Variants in SLC20A2 observed in about 807,000 individuals in gnomAD.
SLC20A2 encodes the protein solute carrier family 20 member 2.
In SLC20A2, 30 loss-of-function variants were observed where a neutral mutation model predicts 61.0. The observed-to-expected ratio is 0.49, with a 90% confidence interval of 0.37 to 0.67. The LOEUF (loss-of-function observed/expected upper bound fraction) is 0.67, where lower values mean the gene tolerates loss of function less well. SLC20A2 is among the 30% of genes least tolerant of loss of function. The pLI, the probability that SLC20A2 is intolerant of heterozygous loss-of-function variation, is 0.00. For synonymous variants in SLC20A2, 351 were observed against 353.3 expected, an observed-to-expected ratio of 0.99 and a Z score of 0.07; for missense variants, 626 against 866.4, an observed-to-expected ratio of 0.72 and a Z score of 3.48.
At chr8:42,461,133 C>G (rs1806661708) in intron 4 of SLC20A2, among the ~76,000 whole-genome samples, 3 of 152,140 alleles carry the variant, frequency 2.0e-5, no homozygotes, top group African/African-American at 7.2e-5. Flanking sequence ...AAGAGCAGGG[C>G]AGAATGAGAC....
chr8:42,476,607 G>A (rs1244540243), intron 1 of SLC20A2, among the ~76,000 whole-genome samples: 1 of 152,192 alleles, frequency 6.6e-6, no homozygotes, highest in Non-Finnish European at 1.5e-5. Context: ...TCATCTTGAT[G>A]TTCCCCTTGG....
At chr8:42,481,754 G>A (rs183771778) in intron 1 of SLC20A2, among the ~76,000 whole-genome samples, 2 of 152,262 alleles carry the variant, frequency 1.3e-5, no homozygotes, top group African/African-American at 2.4e-5. Flanking sequence ...AACGGCCTTC[G>A]TGGACTTATG....
chr8:42,528,216 C>T (rs1319270896), intron 1 of SLC20A2, among the ~76,000 whole-genome samples: 1 of 152,150 alleles, frequency 6.6e-6, no homozygotes, highest in Non-Finnish European at 1.5e-5. Flanking sequence ...AATCCCAGAA[C>T]TTTGGGAGGC....
At chr8:42,454,659 T>A (rs946119696) in intron 5 of SLC20A2, among the ~76,000 whole-genome samples, 1 of 151,740 alleles carries the variant, frequency 6.6e-6, no homozygotes, top group African/African-American at 2.4e-5. Context: ...CGCTTTGTCA[T>A]CTGGTTGAGT....
rs1387589528 is a variant in SLC20A2, at chr8:42,443,921, C to T, written c.730+725G>A. Among the ~76,000 whole-genome samples the T allele has an allele frequency of 2.0e-5, 3 of 152,200 alleles. No homozygotes were observed. In the East Asian group the frequency reaches 5.8e-4, roughly 29 times the overall value. On this transcript the variant is annotated intron_variant, in intron 6 of 10. Coordinates refer to ENST00000520262, the MANE Select transcript of SLC20A2 (RefSeq NM_001257180.2). ...TGCTCTTCCGGATCATGGGCTTCTGCTCAGTATCACGGCTGTAGGATGCCT... is the reference window on the plus strand; with the variant it reads ...TGCTCTTCCGGATCATGGGCTTCTGTTCAGTATCACGGCTGTAGGATGCCT...
upstream of SLC20A2, among the ~76,000 whole-genome samples, chr8:42,504,945 T>G (rs1810570590): frequency 7.3e-6 from 1 of 137,350 alleles, no homozygotes; most frequent in Non-Finnish European, 1.5e-5. Flanking sequence ...AAAGACAAGG[T>G]CTCTATGTCC....
chr8:42,441,992 G>A (rs1392756659), intron 6 of SLC20A2, among the ~76,000 whole-genome samples: 1 of 151,146 alleles, frequency 6.6e-6, no homozygotes, highest in East Asian at 1.9e-4. Context: ...GGAGTGCAAT[G>A]GCACAATCTC....
intron 1 of SLC20A2, among the ~76,000 whole-genome samples, chr8:42,489,962 T>C (rs1486204671): frequency 6.6e-6 from 1 of 152,198 alleles, no homozygotes; most frequent in East Asian, 1.9e-4. Context: ...CACAAAACTG[T>C]ACACCAGAAA....
At chr8:42,435,543 G>A (rs73675068) in intron 8 of SLC20A2, among the ~76,000 whole-genome samples, 7,523 of 152,198 alleles carry the variant, frequency 0.049, 566 homozygotes, top group African/African-American at 0.16. Flanking sequence ...ACAGCTGTAA[G>A]ACGACAGCAG....
intron 6 of SLC20A2, among the ~76,000 whole-genome samples, chr8:42,443,381 C>T (rs1277411254): frequency 6.8e-6 from 1 of 147,806 alleles, no homozygotes; most frequent in Non-Finnish European, 1.5e-5. Context: ...GTGGCACGAT[C>T]TTGGCTCACT....
chr8:42,494,131 C>A (rs535721169), intron 1 of SLC20A2, among the ~76,000 whole-genome samples: 1 of 152,166 alleles, frequency 6.6e-6, no homozygotes, highest in South Asian at 2.1e-4. Flanking sequence ...GACAGTGAGA[C>A]CCTGTCTCAA....
chr8:42,527,416 G>C (rs182081176), intron 1 of SLC20A2, among the ~76,000 whole-genome samples: 23 of 151,598 alleles, frequency 1.5e-4, no homozygotes, highest in African/African-American at 5.1e-4. Context: ...GGAGTATACA[G>C]GAGCTCTATT....
chr8:42,517,001 C>G (rs139609356), intron 1 of SLC20A2, among the ~76,000 whole-genome samples: 19 of 152,292 alleles, frequency 1.2e-4, no homozygotes, highest in African/African-American at 1.9e-4. Context: ...CCACCACCCC[C>G]CAAGCATTTC....
upstream of SLC20A2, among the ~76,000 whole-genome samples, chr8:42,504,852 C>CAAAAAAA (rs771127709): frequency 0.033 from 551 of 16,502 alleles, 191 homozygotes; most frequent in East Asian, 0.054. Flanking sequence ...GACTCCGTCT[C>CAAAAAAA]AAAAAAAAAA....
chr8:42,515,985 T>G (rs552106240), intron 1 of SLC20A2, among the ~76,000 whole-genome samples: 27 of 152,332 alleles, frequency 1.8e-4, no homozygotes, highest in African/African-American at 6.5e-4. Context: ...AGAGCTGCTA[T>G]GCAAGTCAGA....
At position 42,437,019 on chromosome 8, in the gene SLC20A2, C is replaced by A. The variant is rs1804319777; in HGVS notation, c.1493G>T (p.Gly498Val). The A allele has an allele frequency of 6.2e-7, 1 of 1,610,978 alleles. No individual in the cohort carries two copies. Among genetic ancestry groups the A allele is most frequent in the South Asian group, 1.1e-5 (1 of 90,526 alleles). The part of the protein sequence containing the change: ...HFLQVLTACF[G>V]SFAHGGNDVS... ...GTCATTGCCGCCGTGAGCAAAGGAC[C>A]CGAAACAGGCGGTGAGGACCTGCAG... Residue 498 changes from glycine (G) to valine (V), a missense_variant, in exon 8 of 11, where the codon GGG (glycine) becomes GTG (valine). Gly to Val is a moderately radical substitution (Grantham distance 109, BLOSUM62 -3). Around this residue, in one of 3 missense-constraint regions of SLC20A2, gnomAD observed 138 missense variants for 228.7 expected, o/e 0.60. Coordinates refer to ENST00000520262, the MANE Select transcript of SLC20A2 (RefSeq NM_001257180.2). The surrounding 1 kb of genome is among the most constrained non-coding windows in gnomAD (Gnocchi z 6.4).
intron 1 of SLC20A2, among the ~76,000 whole-genome samples, chr8:42,508,106 G>A (rs892517631): frequency 3.3e-5 from 5 of 152,184 alleles, no homozygotes; most frequent in African/African-American, 9.6e-5. Context: ...AGAGGCTGCA[G>A]TGAGCCAAGA....
intron 1 of SLC20A2, among the ~76,000 whole-genome samples, chr8:42,512,366 T>C (rs1177987240): frequency 6.6e-6 from 1 of 151,598 alleles, no homozygotes; most frequent in Non-Finnish European, 1.5e-5. Context: ...TTTTTTTTTT[T>C]TGGAGATGGA....
chr8:42,491,484 AAC>A (rs1474518498), intron 1 of SLC20A2, among the ~76,000 whole-genome samples: 1 of 151,756 alleles, frequency 6.6e-6, no homozygotes, highest in Non-Finnish European at 1.5e-5. Context: ...CAGCTTGGGC[AAC>A]AGAGTGAGAC....
Sources: allele counts gnomAD v4.1 joint callset (sites outside exome capture counted in the v4.1 genomes callset), GRCh38; gene constraint gnomAD v4.1.1; regional missense constraint gnomAD v4.1.1; non-coding constraint Gnocchi (gnomAD v3.1); transcripts MANE v1.5; gene names NCBI Gene and HGNC (gene_info 2026-07-23, HGNC 2026-07-21).